NECAB2: variants seen among roughly 807,000 people sequenced by gnomAD.
NECAB2 encodes N-terminal EF-hand calcium binding protein 2, also known as N-terminal EF-hand calcium-binding protein 2.
NECAB2 carries 68 observed loss-of-function variants against 51.9 expected under a neutral mutation model. That is an observed-to-expected ratio of 1.31 (90% confidence interval 1.08 to 1.60). The LOEUF (loss-of-function observed/expected upper bound fraction) is 1.60. Ranked by LOEUF, NECAB2 falls within the 40% of genes most tolerant of loss-of-function variation. The pLI, the probability that NECAB2 is intolerant of heterozygous loss-of-function variation, is 0.00. For missense variants in NECAB2, 854 were observed against 490.3 expected, an observed-to-expected ratio of 1.74 and a Z score of -7.00; for synonymous variants, 329 against 203.5, an observed-to-expected ratio of 1.62 and a Z score of -5.25.
intron 5 of NECAB2, among the ~76,000 whole-genome samples, chr16:83,984,066 G>C (rs1298302522): frequency 6.8e-6 from 1 of 146,024 alleles, no homozygotes; most frequent in Admixed American, 7.0e-5. Context: ...CACAGTCCCA[G>C]CTCACTGCCA....
rs767730057 is a variant in NECAB2, at chr16:83,981,129, T to C, written c.459+2T>C. The C allele has an allele frequency of 6.2e-7, 1 of 1,611,392 alleles. No homozygotes were observed. Among genetic ancestry groups the C allele is most frequent in the South Asian group, 1.1e-5 (1 of 91,044 alleles). On this transcript the variant is annotated splice_donor_variant, in intron 5 of 12. Coordinates refer to ENST00000305202, the MANE Select transcript of NECAB2 (RefSeq NM_019065.3). LOFTEE classifies it high-confidence loss of function. ...AAGGCCATGGGTTATACCAAGAAGG[T>C]CAGTGGGTGTAGGTGGCCCCCGGGG...
At chr16:83,995,840 T>C (rs1331978552) in intron 8 of NECAB2, among the ~76,000 whole-genome samples, 1 of 152,180 alleles carries the variant, frequency 6.6e-6, no homozygotes, top group Non-Finnish European at 1.5e-5. Flanking sequence ...ACCCCCTTCC[T>C]GAAGCCAGCT....
chr16:83,976,700 A>ACGT (rs2084415118), intron 2 of NECAB2, among the ~76,000 whole-genome samples: 1 of 151,954 alleles, frequency 6.6e-6, no homozygotes, highest in African/African-American at 2.4e-5. Flanking sequence ...CTGAGCTGCG[A>ACGT]TGGGGGCATC....
upstream of NECAB2, chr16:83,965,623 G>C (rs1444037663): frequency 6.2e-7 from 1 of 1,613,058 alleles, no homozygotes; most frequent in Non-Finnish European, 8.5e-7. Context: ...AGTCCATCCT[G>C]TCGCCCAGCC....
At chr16:83,986,951 G>A (rs1040884312) in intron 5 of NECAB2, among the ~76,000 whole-genome samples, 2 of 152,148 alleles carry the variant, frequency 1.3e-5, no homozygotes, top group Non-Finnish European at 2.9e-5. Flanking sequence ...ATATGTGGGT[G>A]ACGGGTACAC....
intron 6 of NECAB2, among the ~76,000 whole-genome samples, chr16:83,992,911 C>G (rs1019365644): frequency 2.0e-5 from 3 of 152,060 alleles, no homozygotes; most frequent in East Asian, 1.9e-4. Flanking sequence ...GAAAAACTTG[C>G]TGTTTTTCTC....
At chr16:83,971,262 A>C (rs1396957241) in intron 1 of NECAB2, among the ~76,000 whole-genome samples, 1 of 152,196 alleles carries the variant, frequency 6.6e-6, no homozygotes, top group African/African-American at 2.4e-5. Context: ...CACAGGTGTC[A>C]ACATTGGGCC....
chr16:83,972,449 G>C (rs1240685304), intron 2 of NECAB2, among the ~76,000 whole-genome samples: 1 of 152,214 alleles, frequency 6.6e-6, no homozygotes, highest in Non-Finnish European at 1.5e-5. Context: ...ACTGGCCGTG[G>C]TAAGGGCTGG....
At chr16:83,987,728 G>C (rs1567671482) in intron 5 of NECAB2, among the ~76,000 whole-genome samples, 2 of 133,914 alleles carry the variant, frequency 1.5e-5, no homozygotes. Flanking sequence ...TTGCTATTAT[G>C]AGTATTACAT....
intron 3 of NECAB2, among the ~76,000 whole-genome samples, chr16:83,979,287 C>T (rs908732394): frequency 1.3e-5 from 2 of 152,182 alleles, no homozygotes; most frequent in African/African-American, 4.8e-5. Context: ...TGATGAGGAC[C>T]CAAGCTTCTG....
Position 83,990,509 on chromosome 16 carries a change from A to G in NECAB2, c.475A>G (p.Ser159Gly), listed in dbSNP as rs2084609055. The G allele has an allele frequency of 6.2e-7, 1 of 1,613,812 alleles. No homozygotes were observed. The highest frequency in any genetic ancestry group is 8.5e-7 in the Non-Finnish European group (1 of 1,179,980). Residue 159 changes from serine (S) to glycine (G), a missense_variant, in exon 6 of 13, where the codon AGC (serine) becomes GGC (glycine). By Grantham distance (56) the Ser-to-Gly change is moderately conservative. Transcript: ENST00000305202. ...GYTKKVYEGG[S>G]NVDQFVTRFL... ...CCTTCCACAGGTATATGAGGGTGGG[A>G]GCAACGTGGACCAGTTTGTGACCCG...
intron 10 of NECAB2, among the ~76,000 whole-genome samples, chr16:83,999,189 G>C (rs1052928045): frequency 6.6e-6 from 1 of 152,206 alleles, no homozygotes. Context: ...ACGAGGGGAG[G>C]AGTAGCCTGG....
chr16:83,997,107 G>T (rs1014090809), intron 8 of NECAB2, 109 bp from the exon 9 acceptor site: 212 of 1,317,086 alleles, frequency 1.6e-4, no homozygotes, highest in Non-Finnish European at 2.2e-4. Flanking sequence ...TGTGCAACAG[G>T]GCCGGGTCCT....
At chr16:83,989,156 C>T (rs559232556) in intron 5 of NECAB2, among the ~76,000 whole-genome samples, 4 of 152,238 alleles carry the variant, frequency 2.6e-5, no homozygotes, top group Admixed American at 1.3e-4. Context: ...TCTTCATGTC[C>T]GTTTTTGGCC....
intron 5 of NECAB2, among the ~76,000 whole-genome samples, chr16:83,986,730 G>C (rs1422641521): frequency 6.9e-6 from 1 of 145,290 alleles, no homozygotes; most frequent in African/African-American, 2.6e-5. Flanking sequence ...ATTTTGCTTA[G>C]ACTAGTCTCA....
intron 5 of NECAB2, among the ~76,000 whole-genome samples, chr16:83,990,287 G>A (rs755221011): frequency 6.6e-6 from 1 of 152,150 alleles, no homozygotes; most frequent in South Asian, 2.1e-4. Context: ...GTGAAGCCAG[G>A]GTTCAAATTT....
Position 84,002,703 on chromosome 16 carries a change from T to A in NECAB2, c.*357T>A. 1 of 332,878 alleles carries A rather than the reference T, an allele frequency of 3.0e-6. No individual in the cohort carries two copies. The highest frequency in any genetic ancestry group is 3.8e-5 in the South Asian group (1 of 26,220). 20.6% of individuals were successfully genotyped at this position (332,878 alleles called of 1,614,324 possible). ...ACATTCTTCTACCTAGTAGGAGTCA[T>A]GCCCCTGTAGTGCCCAACCTAGCCA... is the stretch of plus-strand genomic sequence containing the variant. On this transcript the variant is annotated 3_prime_UTR_variant, in exon 13 of 13. Transcript: ENST00000305202.
In NECAB2 at chr16:84,002,573, G is replaced by C. The variant is rs985389382; in HGVS notation, c.*227G>C. The C allele has an allele frequency of 4.9e-6, 3 of 610,812 alleles. No homozygotes were observed. In the Admixed American group the frequency reaches 8.8e-5, roughly 18 times the overall value. 37.8% of individuals were successfully genotyped at this position (610,812 alleles called of 1,614,324 possible). A position where few individuals can be genotyped will look rare whatever the true frequency, so the allele number is the denominator to read the frequency against. The stretch of plus-strand genomic sequence containing the variant: ...CTGGTGAAGCCCAAGGTTGAAGGGG[G>C]CGGCTTCCTGGAGCCAGCACCCCTG... On this transcript the variant is annotated 3_prime_UTR_variant, in exon 13 of 13. Coordinates refer to ENST00000305202, the MANE Select transcript of NECAB2 (RefSeq NM_019065.3).
In NECAB2 at chr16:83,997,227, C is replaced by A; in HGVS notation, c.807C>A (p.Phe269Leu). The change falls in exon 9 of 13, where the codon TTC (phenylalanine) becomes TTA (leucine). Residue 269 changes from phenylalanine to leucine, a missense_variant. Transcript: ENST00000305202. ...IGRLESKALW[F>L]DLQQRLSDED... ...CTGGATTGTTTCAGGCACTGTGGTT[C>A]GACCTGCAGCAGCGCCTGTCAGATG... The A allele has an allele frequency of 6.2e-7, 1 of 1,614,090 alleles. No individual in the cohort carries two copies. Among genetic ancestry groups the A allele is most frequent in the South Asian group, 1.1e-5 (1 of 91,084 alleles).
Sources: gnomAD v4.1 joint callset for allele counts (sites outside exome capture counted in the v4.1 genomes callset) on GRCh38, gnomAD v4.1.1 for gene constraint, MANE v1.5 for transcripts, NCBI Gene and HGNC (gene_info 2026-07-23, HGNC 2026-07-21) for gene names.